The following NKAIN2 variants were observed in gnomAD, a reference collection of about 807,000 sequenced individuals.
NKAIN2 encodes the protein sodium/potassium-transporting ATPase subunit beta-1-interacting protein 2.
Under a neutral mutation model 32.6 loss-of-function variants are expected in NKAIN2, and 14 were observed. The observed-to-expected ratio is 0.43, with a 90% CI of 0.28 to 0.67. NKAIN2 has a LOEUF of 0.67. Ranked by LOEUF, NKAIN2 falls within the 30% of genes least tolerant of loss-of-function variation. The probability of loss-of-function intolerance (pLI) is 0.17; values close to 1 mark genes in which losing one functional copy is unlikely to be tolerated. For missense variants in NKAIN2, 198 were observed against 258.3 expected (o/e 0.77, Z 1.60); for synonymous variants, 80 against 87.2 (o/e 0.92, Z 0.46).
intron 1 of NKAIN2, among the ~76,000 whole-genome samples, chr6:124,212,279 C>T (rs1791222335): frequency 6.6e-6 from 1 of 151,980 alleles, no homozygotes; most frequent in Non-Finnish European, 1.5e-5. Context: ...ATATATGATT[C>T]TCTTTTAAAT....
chr6:123,855,334 G>T (rs1335629293), intron 1 of NKAIN2, among the ~76,000 whole-genome samples: 1 of 152,116 alleles, frequency 6.6e-6, no homozygotes, highest in East Asian at 1.9e-4. Flanking sequence ...CTGACATTTA[G>T]AACCCGGGTG....
chr6:123,878,578 A>G (rs1008520529), intron 1 of NKAIN2, among the ~76,000 whole-genome samples: 3 of 152,016 alleles, frequency 2.0e-5, no homozygotes, highest in Non-Finnish European at 4.4e-5. Flanking sequence ...CCTGCAGGCT[A>G]TACTCCATGT....
intron 1 of NKAIN2, among the ~76,000 whole-genome samples, chr6:123,954,463 A>T (rs755845038): frequency 7.9e-5 from 12 of 152,160 alleles, no homozygotes; most frequent in Admixed American, 3.3e-4. Context: ...GACAATCATG[A>T]CTGAAGAGGC....
At chr6:124,572,399 G>T (rs1236559923) in intron 3 of NKAIN2, among the ~76,000 whole-genome samples, 1 of 152,172 alleles carries the variant, frequency 6.6e-6, no homozygotes, top group African/African-American at 2.4e-5. Flanking sequence ...ATCGTGAGAA[G>T]AAATATAATG....
intron 1 of NKAIN2, among the ~76,000 whole-genome samples, chr6:123,844,790 T>C (rs971423605): frequency 3.3e-5 from 5 of 152,222 alleles, no homozygotes; most frequent in African/African-American, 1.2e-4. Context: ...TTATGTTCCT[T>C]CTACATCACC....
At chr6:123,811,721 T>TC (rs1298446077) in intron 1 of NKAIN2, among the ~76,000 whole-genome samples, 1 of 152,132 alleles carries the variant, frequency 6.6e-6, no homozygotes, top group African/African-American at 2.4e-5. Context: ...GAACAGTCCA[T>TC]CTAGTGAGCC....
intron 1 of NKAIN2, among the ~76,000 whole-genome samples, chr6:123,919,210 C>CAT (rs1775632864): frequency 6.6e-6 from 1 of 152,044 alleles, no homozygotes; most frequent in Non-Finnish European, 1.5e-5. Context: ...ATATCATAAA[C>CAT]ATATATATAC....
intron 5 of NKAIN2, among the ~76,000 whole-genome samples, chr6:124,794,060 C>A (rs1055663441): frequency 2.5e-4 from 38 of 152,102 alleles, no homozygotes; most frequent in African/African-American, 9.2e-4. Context: ...AAAGTTGCGC[C>A]CCATGAAATT....
In NKAIN2 at chr6:124,280,062, A is replaced by G. The variant is rs9491104; in HGVS notation, c.55-2943A>G. Among the ~76,000 whole-genome samples the G allele has an allele frequency of 9.1e-3, 1,383 of 152,304 alleles. 14 individuals are homozygous for G. The highest frequency in any genetic ancestry group is 0.03 in the African/African-American group (1,265 of 41,572). On this transcript the variant is annotated intron_variant, in intron 1 of 6. Transcript: ENST00000368417. The stretch of plus-strand genomic sequence containing the variant: ...AAATAGGCAAGCATGAAAGGGATGT[A>G]CACCATAAGACTTCTTATGTGAAAA...
At chr6:123,853,666 A>C (rs1775441841) in intron 1 of NKAIN2, among the ~76,000 whole-genome samples, 1 of 152,204 alleles carries the variant, frequency 6.6e-6, no homozygotes, top group African/African-American at 2.4e-5. Context: ...AGGAATGACA[A>C]AAAGGGGGGA....
At chr6:124,083,336 C>T (rs546093885) in intron 1 of NKAIN2, among the ~76,000 whole-genome samples, 1 of 151,958 alleles carries the variant, frequency 6.6e-6, no homozygotes, top group African/African-American at 2.4e-5. Flanking sequence ...GCCTGATACA[C>T]AATAATGCCT....
chr6:124,082,123 GA>G (rs1280858176), intron 1 of NKAIN2, among the ~76,000 whole-genome samples: 3 of 152,042 alleles, frequency 2.0e-5, no homozygotes, highest in Non-Finnish European at 4.4e-5. Context: ...TGGCATGATG[GA>G]AACCATAGCA....
intron 1 of NKAIN2, among the ~76,000 whole-genome samples, chr6:124,166,200 A>T (rs1217416514): frequency 2.9e-5 from 4 of 140,040 alleles, no homozygotes; most frequent in South Asian, 2.5e-4. Context: ...CTTTTTAATG[A>T]TCGCCATTCT....
chr6:124,306,079 A>T (rs1796496439), intron 2 of NKAIN2, among the ~76,000 whole-genome samples: 1 of 152,174 alleles, frequency 6.6e-6, no homozygotes, highest in Admixed American at 6.6e-5. Context: ...TATAATCAGA[A>T]TCTGCAAGGA....
intron 3 of NKAIN2, among the ~76,000 whole-genome samples, chr6:124,423,074 A>G (rs1222029073): frequency 6.6e-6 from 1 of 152,176 alleles, no homozygotes. Flanking sequence ...TAGTTTAAAC[A>G]TTTCTGTTGC....
intron 1 of NKAIN2, among the ~76,000 whole-genome samples, chr6:123,930,707 C>T (rs1025894142): frequency 3.3e-5 from 5 of 152,088 alleles, no homozygotes; most frequent in African/African-American, 9.7e-5. Flanking sequence ...ATACTTCTTC[C>T]TCCTCTTCAG....
At chr6:124,589,761 T>C (rs776206876) in intron 3 of NKAIN2, among the ~76,000 whole-genome samples, 2 of 152,146 alleles carry the variant, frequency 1.3e-5, no homozygotes, top group Non-Finnish European at 2.9e-5. Flanking sequence ...GCTGCACCTA[T>C]CAACTCGTCA....
At chr6:124,643,156 G>A (rs1784051873) in intron 3 of NKAIN2, among the ~76,000 whole-genome samples, 1 of 152,268 alleles carries the variant, frequency 6.6e-6, no homozygotes, top group South Asian at 2.1e-4. Flanking sequence ...AATGGTGCTT[G>A]TGGTCTCTTA....
chr6:123,930,789 C>T (rs1394619397), intron 1 of NKAIN2, among the ~76,000 whole-genome samples: 1 of 152,122 alleles, frequency 6.6e-6, no homozygotes, highest in East Asian at 1.9e-4. Context: ...TGTAAGATGT[C>T]CCTCCTTGTC....
Sources: allele counts gnomAD v4.1 joint callset (sites outside exome capture counted in the v4.1 genomes callset), GRCh38; gene constraint gnomAD v4.1.1; transcripts MANE v1.5; gene names NCBI Gene and HGNC (gene_info 2026-07-23, HGNC 2026-07-21).